The following AUTS2 variants were observed in gnomAD, a reference collection of about 807,000 sequenced individuals.
AUTS2 encodes autism susceptibility gene 2 protein.
In AUTS2, 17 loss-of-function variants were observed where a neutral mutation model predicts 112.4. That is an observed-to-expected ratio of 0.15 (90% CI 0.10 to 0.23). The LOEUF (loss-of-function observed/expected upper bound fraction) is 0.23, where lower values mean the gene tolerates loss of function less well. AUTS2 is among the 10% of genes least tolerant of loss of function. The pLI, the probability that AUTS2 is intolerant of heterozygous loss-of-function variation, is 1.00. For synonymous variants in AUTS2, 751 were observed against 702.7 expected (o/e 1.07, Z -1.09); for missense variants, 1,510 against 1,701.6 (o/e 0.89, Z 1.98).
chr7:70,664,806 C>T (rs1305512859), intron 5 of AUTS2, among the ~76,000 whole-genome samples: 2 of 152,108 alleles, frequency 1.3e-5, no homozygotes, highest in Non-Finnish European at 2.9e-5. Flanking sequence ...CACGGTGCCC[C>T]GCGCCTGTAA....
At chr7:69,719,869 G>A (rs1562834520) in intron 1 of AUTS2, among the ~76,000 whole-genome samples, 1 of 152,142 alleles carries the variant, frequency 6.6e-6, no homozygotes, top group South Asian at 2.1e-4. Flanking sequence ...CAGTGGCATA[G>A]CACAGGATAA....
In AUTS2 at chr7:70,135,826, C is replaced by T. The variant is rs759079431; in HGVS notation, c.660+1255C>T. Among the ~76,000 whole-genome samples the T allele has an allele frequency of 4.6e-5, 7 of 152,244 alleles. No individual in the cohort carries two copies. In the South Asian group the frequency reaches 6.2e-4, roughly 14 times the overall value. ...CTGCTTCAGCAGTCGAAATAACAGA[C>T]GTAGCCCCATCTGGCATCTCTTCAC... On this transcript the variant is annotated intron_variant, in intron 4 of 18. Transcript: ENST00000342771.
At chr7:69,927,465 C>T (rs1441599268) in intron 2 of AUTS2, among the ~76,000 whole-genome samples, 1 of 151,898 alleles carries the variant, frequency 6.6e-6, no homozygotes, top group African/African-American at 2.4e-5. Context: ...TGTATATATC[C>T]CCATGTTTTC....
chr7:70,325,140 C>G (rs969576043), intron 4 of AUTS2, among the ~76,000 whole-genome samples: 1 of 152,022 alleles, frequency 6.6e-6, no homozygotes, highest in Non-Finnish European at 1.5e-5. Context: ...GGTTTCTTGT[C>G]CTCACAGCTA....
At chr7:70,475,550 G>T (rs1797549444) in intron 5 of AUTS2, among the ~76,000 whole-genome samples, 1 of 152,132 alleles carries the variant, frequency 6.6e-6, no homozygotes, top group Non-Finnish European at 1.5e-5. Context: ...TATAAACTGT[G>T]TTAATTTTCC....
intron 4 of AUTS2, among the ~76,000 whole-genome samples, chr7:70,365,206 C>CT (rs757372484): frequency 1.7e-4 from 26 of 152,322 alleles, no homozygotes; most frequent in Non-Finnish European, 3.8e-4. Context: ...GAATTTCCCT[C>CT]TTTACTCTTC....
At chr7:70,102,218 A>T (rs531241092) in intron 2 of AUTS2, among the ~76,000 whole-genome samples, 3 of 147,052 alleles carry the variant, frequency 2.0e-5, no homozygotes, top group African/African-American at 5.0e-5. Flanking sequence ...TCCCGGGTTC[A>T]CACCATTCTC....
At chr7:70,043,764 C>T (rs1204540543) in intron 2 of AUTS2, among the ~76,000 whole-genome samples, 1 of 151,996 alleles carries the variant, frequency 6.6e-6, no homozygotes, top group African/African-American at 2.4e-5. Flanking sequence ...CATGCGCCAC[C>T]ACGTGCGTCT....
intron 5 of AUTS2, among the ~76,000 whole-genome samples, chr7:70,636,860 C>G (rs1239825169): frequency 6.6e-6 from 1 of 152,070 alleles, no homozygotes; most frequent in Non-Finnish European, 1.5e-5. Context: ...CCAGGCTAGT[C>G]TTGAACTCGT....
chr7:70,450,142 T>G (rs1275402658), intron 5 of AUTS2, among the ~76,000 whole-genome samples: 1 of 152,248 alleles, frequency 6.6e-6, no homozygotes, highest in Admixed American at 6.5e-5. Context: ...CACTCATGTT[T>G]CATTCAACAA....
intron 4 of AUTS2, among the ~76,000 whole-genome samples, chr7:70,303,425 C>T (rs1046484288): frequency 8.3e-5 from 11 of 132,252 alleles, no homozygotes; most frequent in Admixed American, 1.5e-4. Context: ...CACACACACG[C>T]GCGCGCGCGC....
chr7:70,124,797 G>A (rs897909597), intron 3 of AUTS2, among the ~76,000 whole-genome samples: 4 of 152,046 alleles, frequency 2.6e-5, no homozygotes, highest in African/African-American at 7.2e-5. Context: ...TCCTGACCTC[G>A]TGATCCGCCC....
chr7:70,684,473 G>A (rs1464205815), intron 5 of AUTS2, among the ~76,000 whole-genome samples: 1 of 152,158 alleles, frequency 6.6e-6, no homozygotes, highest in Non-Finnish European at 1.5e-5. Flanking sequence ...AGTGGAGGGA[G>A]AAACTGAGAT....
intron 4 of AUTS2, among the ~76,000 whole-genome samples, chr7:70,424,874 A>G (rs1795369707): frequency 1.3e-5 from 2 of 152,218 alleles, no homozygotes; most frequent in African/African-American, 4.8e-5. Context: ...GGCATGAGGC[A>G]TTGCACCTGG....
Position 70,790,567 on chromosome 7 carries a change from G to T in AUTS2, c.3351G>T (p.Arg1117Ser). ...PRLYEADRSFRDREPHDYSHH... is the reference protein window; with the variant it reads ...PRLYEADRSFSDREPHDYSHH... ...TGTACGAAGCCGACCGCTCCTTCAG[G>T]GACCGGGAGCCTCACGACTACAGCC... Residue 1117 changes from arginine (R) to serine (S), a missense_variant, in exon 19 of 19, where the codon AGG becomes AGT. Physicochemically the swap from Arg to Ser is moderately radical, Grantham distance 110. Coordinates refer to ENST00000342771, the MANE Select transcript of AUTS2 (RefSeq NM_015570.4). The surrounding 1 kb of genome is among the most constrained non-coding windows in gnomAD (Gnocchi z 7.6). 1 of 1,603,148 alleles carries T rather than the reference G, an allele frequency of 6.2e-7. No homozygotes were observed.
At chr7:69,836,720 C>G (rs543999133) in intron 1 of AUTS2, among the ~76,000 whole-genome samples, 155 of 152,294 alleles carry the variant, frequency 1.0e-3, no homozygotes, top group Non-Finnish European at 1.7e-3. Context: ...TTACTTTCTG[C>G]ACACTTAAAC....
At chr7:70,453,769 A>G (rs971245935) in intron 5 of AUTS2, among the ~76,000 whole-genome samples, 4 of 152,260 alleles carry the variant, frequency 2.6e-5, no homozygotes, top group South Asian at 2.1e-4. Context: ...CCTCTCTCCT[A>G]TAAGGACACT....
At position 70,223,266 on chromosome 7, in the gene AUTS2, A is replaced by C. The variant is rs1480151505; in HGVS notation, c.660+88695A>C. 2.0e-4 allele frequency among the ~76,000 whole-genome samples: 30 copies of C among 152,206 alleles called. 1 individual carries two copies. The highest frequency in any genetic ancestry group is 2.0e-3 in the Admixed American group (30 of 15,280). On this transcript the variant is annotated intron_variant, in intron 4 of 18. Transcript: ENST00000342771. ...TGTTTGTGACACATGGAAAATAAGTAGGCAGCATTTAATGTCATTTGGGAA... is the reference window on the plus strand; with the variant it reads ...TGTTTGTGACACATGGAAAATAAGTCGGCAGCATTTAATGTCATTTGGGAA...
intron 2 of AUTS2, among the ~76,000 whole-genome samples, chr7:70,116,154 T>C (rs1451970459): frequency 6.6e-6 from 1 of 152,218 alleles, no homozygotes; most frequent in Non-Finnish European, 1.5e-5. Context: ...TGAGGAGCTT[T>C]AGCGTTGACT....
Sources: gnomAD v4.1 joint callset for allele counts (sites outside exome capture counted in the v4.1 genomes callset) on GRCh38, gnomAD v4.1.1 for gene constraint, Gnocchi (gnomAD v3.1) non-coding constraint, MANE v1.5 for transcripts, NCBI Gene and HGNC (gene_info 2026-07-23, HGNC 2026-07-21) for gene names.